The following SFSWAP variants were observed in gnomAD, a reference collection of about 807,000 sequenced individuals.
SFSWAP encodes the protein splicing factor SWAP.
Under a neutral mutation model 100.7 loss-of-function variants are expected in SFSWAP, and 17 were observed. The observed-to-expected ratio is 0.17, with a 90% CI of 0.12 to 0.25. The LOEUF is 0.25. Among genes scored for constraint, SFSWAP ranks in the 10% least tolerant of loss-of-function variants. The probability of loss-of-function intolerance (pLI) is 1.00; values close to 1 mark genes in which losing one functional copy is unlikely to be tolerated. For synonymous variants in SFSWAP, 504 were observed against 510.1 expected (o/e 0.99, Z 0.16); for missense variants, 1,005 against 1,262.6 (o/e 0.80, Z 3.09).
rs1884884183 is a variant in SFSWAP at position 131,786,330 on chromosome 12, C to G, written c.2409-133C>G. 2.7e-6 allele frequency: 3 copies of G among 1,094,416 alleles called. No homozygotes were observed. In the Admixed American group the frequency reaches 8.7e-5, roughly 32 times the overall value. 67.8% of individuals were successfully genotyped at this position (1,094,416 alleles called of 1,614,324 possible). A position where few individuals can be genotyped will look rare whatever the true frequency, so the allele number is the denominator to read the frequency against. Reference sequence around the variant, plus strand: ...GTGTGGCAGGGGTTCTCTGAAGCCTCAGGGTCTACACAGGCACCACCCTGA... The same window carrying G: ...GTGTGGCAGGGGTTCTCTGAAGCCTGAGGGTCTACACAGGCACCACCCTGA... On this transcript the variant is annotated intron_variant, in intron 14 of 17. Coordinates refer to ENST00000261674, the MANE Select transcript of SFSWAP (RefSeq NM_004592.4).
chr12:131,714,814 T>C lies in SFSWAP; in HGVS notation c.389-8T>C, dbSNP rs758492101. ...TTTTTGTTGATAAAATTCTCATTTT[T>C]ATTCAAGAGGAAGAATACAAGCGAT... On this transcript the variant is annotated splice_region_variant and splice_polypyrimidine_tract_variant and intron_variant, in intron 2 of 17. Transcript: ENST00000261674. The surrounding 1 kb of genome is among the most constrained non-coding windows in gnomAD (Gnocchi z 6.0). The C allele has an allele frequency of 1.2e-6, 2 of 1,610,228 alleles. No homozygotes were observed. The highest frequency in any genetic ancestry group is 2.2e-5 in the South Asian group (2 of 90,374).
intron 7 of SFSWAP, among the ~76,000 whole-genome samples, chr12:131,742,282 C>T (rs1880715646): frequency 6.6e-6 from 1 of 152,196 alleles, no homozygotes; most frequent in African/African-American, 2.4e-5. Context: ...CAGCCACTTG[C>T]TCTCTTTACC....
chr12:131,755,376 T>C lies in SFSWAP; in HGVS notation c.1455-10T>C. 6.2e-7 allele frequency: 1 copy of C among 1,608,628 alleles called. No individual in the cohort carries two copies. The highest frequency in any genetic ancestry group is 1.1e-5 in the South Asian group (1 of 90,908). On this transcript the variant is annotated splice_polypyrimidine_tract_variant and intron_variant, in intron 9 of 17. Transcript: ENST00000261674. The stretch of plus-strand genomic sequence containing the variant: ...GGTAAATGACCCATTTTCTTTCTTT[T>C]TCTGCTCAGATTTGAGTTCCTGCAG...
At chr12:131,762,020 G>A (rs1236626113) in intron 11 of SFSWAP, among the ~76,000 whole-genome samples, 4 of 152,142 alleles carry the variant, frequency 2.6e-5, no homozygotes, top group African/African-American at 9.7e-5. Context: ...ATCACCTGAG[G>A]TCAGGAGTTC....
intron 7 of SFSWAP, among the ~76,000 whole-genome samples, chr12:131,737,951 TCTG>T (rs1329519461): frequency 6.6e-6 from 1 of 152,178 alleles, no homozygotes; most frequent in African/African-American, 2.4e-5. Context: ...TTACTTGTCT[TCTG>T]CTATTTAGCT....
At chr12:131,731,311 C>A (rs1879485842) in intron 7 of SFSWAP, among the ~76,000 whole-genome samples, 1 of 152,214 alleles carries the variant, frequency 6.6e-6, no homozygotes, top group Non-Finnish European at 1.5e-5. Context: ...GCCTGACTCA[C>A]ACGCACCTCC....
chr12:131,728,946 T>G (rs913968801), intron 7 of SFSWAP, among the ~76,000 whole-genome samples: 2 of 152,092 alleles, frequency 1.3e-5, no homozygotes, highest in Non-Finnish European at 2.9e-5. Context: ...CCTCCCGCCT[T>G]GGCCTTCAAA....
rs746638292 is a variant in SFSWAP at position 131,797,366 on chromosome 12, C to T, written c.2717+6C>T. The T allele has an allele frequency of 3.3e-5, 53 of 1,599,466 alleles. No homozygotes were observed. Among genetic ancestry groups the T allele is most frequent in the Non-Finnish European group, 6.8e-6 (8 of 1,172,730 alleles). On this transcript the variant is annotated splice_donor_region_variant and intron_variant, in intron 16 of 17. Transcript: ENST00000261674. ...TCCAGCCAGGAGCGCTCCAGGTAAC[C>T]CCTGTCCTCCAGCAGCTCTCTCTGG...
intron 15 of SFSWAP, among the ~76,000 whole-genome samples, chr12:131,793,169 G>A (rs186178773): frequency 1.3e-5 from 2 of 151,670 alleles, no homozygotes; most frequent in East Asian, 1.9e-4. Flanking sequence ...GACTCAGCCC[G>A]GCTGACTGCA....
intron 14 of SFSWAP, chr12:131,784,787 C>T (rs745892637): frequency 7.5e-6 from 2 of 266,812 alleles, no homozygotes; most frequent in Non-Finnish European, 7.0e-6. Flanking sequence ...CTAAGATGGG[C>T]GTTTTCCCCA....
rs139634937 is a variant in SFSWAP at position 131,739,834 on chromosome 12, C to T, written c.1081+11406C>T. ...CTGGGATTACAGGCATGAGCCACTG[C>T]GCCCAGCCCCCAGTTGCTTACTTTT... On this transcript the variant is annotated intron_variant, in intron 7 of 17. Transcript: ENST00000261674. Among the ~76,000 whole-genome samples, 300 of 152,210 alleles carry T rather than the reference C, an allele frequency of 2.0e-3. 1 individual carries two copies. Among genetic ancestry groups the T allele is most frequent in the African/African-American group, 6.2e-3 (258 of 41,528 alleles).
At chr12:131,770,771 A>G (rs182517129) in intron 13 of SFSWAP, among the ~76,000 whole-genome samples, 10 of 152,292 alleles carry the variant, frequency 6.6e-5, no homozygotes, top group African/African-American at 2.4e-4. Flanking sequence ...ACACTGTGCA[A>G]CTATTACCAC....
intron 7 of SFSWAP, among the ~76,000 whole-genome samples, chr12:131,731,339 C>G (rs1461223962): frequency 6.6e-6 from 1 of 152,226 alleles, no homozygotes; most frequent in Non-Finnish European, 1.5e-5. Context: ...CCGTCTTCCT[C>G]TGCTACCCTT....
chr12:131,786,765 C>T (rs1884925923), intron 15 of SFSWAP, among the ~76,000 whole-genome samples, 177 bp downstream of exon 15: 1 of 152,038 alleles, frequency 6.6e-6, no homozygotes, highest in East Asian at 1.9e-4. Flanking sequence ...CACTTGATCA[C>T]ACTGAGCTCC....
intron 3 of SFSWAP, among the ~76,000 whole-genome samples, chr12:131,715,630 T>C (rs892750096): frequency 2.6e-5 from 4 of 152,242 alleles, no homozygotes; most frequent in Non-Finnish European, 5.9e-5. Flanking sequence ...CGCTGCATCA[T>C]GGTCAGTCGT....
chr12:131,714,870 A>T lies in SFSWAP; in HGVS notation c.437A>T (p.Tyr146Phe), dbSNP rs1276314692. ...GAAGCACTAGCAGAGGATGGGAGCT[A>T]CAATGCCGTGGGGTTCACTTACGGT... ...LSEALAEDGSYNAVGFTYGSD... is the reference protein window; with the variant it reads ...LSEALAEDGSFNAVGFTYGSD... The change falls in exon 3 of 18, where the codon TAC becomes TTC. Residue 146 changes from tyrosine to phenylalanine, a missense_variant. This residue lies in a region of SFSWAP where 237 missense variants were observed against 337.0 expected (regional missense o/e 0.70). Coordinates refer to ENST00000261674, the MANE Select transcript of SFSWAP (RefSeq NM_004592.4). The surrounding 1 kb of genome is among the most constrained non-coding windows in gnomAD (Gnocchi z 6.0). The T allele has an allele frequency of 9.3e-6, 15 of 1,614,048 alleles. No homozygotes were observed. The highest frequency in any genetic ancestry group is 1.3e-5 in the Non-Finnish European group (15 of 1,179,970).
At position 131,711,137 on chromosome 12, in the gene SFSWAP, C is replaced by T. The variant is rs946084915; in HGVS notation, c.-93C>T. The T allele has an allele frequency of 5.5e-5, 57 of 1,032,206 alleles. No individual in the cohort carries two copies. The highest frequency in any genetic ancestry group is 7.3e-5 in the Non-Finnish European group (53 of 728,554). The allele number at this position is 1,032,206 out of a possible 1,614,324, so 63.9% of individuals were successfully genotyped here. On this transcript the variant is annotated 5_prime_UTR_variant, in exon 1 of 18. Coordinates refer to ENST00000261674, the MANE Select transcript of SFSWAP (RefSeq NM_004592.4). The surrounding 1 kb of genome is among the most constrained non-coding windows in gnomAD (Gnocchi z 4.9). Reference sequence around the variant, plus strand: ...CGGTGTTGAGGTTGGGTACGGGATGCGGGGTCTTTGACTGAAGGGGTAGGC... The same window carrying T: ...CGGTGTTGAGGTTGGGTACGGGATGTGGGGTCTTTGACTGAAGGGGTAGGC...
At chr12:131,786,638 T>A (rs778870077) in intron 15 of SFSWAP, 50 bp downstream of exon 15, 89 of 1,551,388 alleles carry the variant, frequency 5.7e-5, no homozygotes, top group Non-Finnish European at 7.5e-5. Flanking sequence ...CAGGTTTCCC[T>A]GGGTGGAAAG....
intron 15 of SFSWAP, among the ~76,000 whole-genome samples, chr12:131,788,295 A>G (rs1487911680): frequency 2.0e-5 from 3 of 152,232 alleles, no homozygotes; most frequent in African/African-American, 7.2e-5. Flanking sequence ...AACAGGTCAC[A>G]CAAGAGAAGC....
Sources: allele counts gnomAD v4.1 joint callset (sites outside exome capture counted in the v4.1 genomes callset), GRCh38; gene constraint gnomAD v4.1.1; regional missense constraint gnomAD v4.1.1; non-coding constraint Gnocchi (gnomAD v3.1); transcripts MANE v1.5; gene names NCBI Gene and HGNC (gene_info 2026-07-23, HGNC 2026-07-21).